The following PDZRN3 variants were observed in gnomAD, a reference collection of about 807,000 sequenced individuals.
PDZRN3 encodes the protein E3 ubiquitin-protein ligase PDZRN3.
PDZRN3 carries 38 observed loss-of-function variants against 85.7 expected under a neutral mutation model. That is an observed-to-expected ratio of 0.44 (90% confidence interval 0.34 to 0.58). The LOEUF (loss-of-function observed/expected upper bound fraction) is 0.58. Ranked by LOEUF, PDZRN3 falls within the 20% of genes least tolerant of loss-of-function variation. The probability of loss-of-function intolerance (pLI) is 0.01; values close to 1 mark genes in which losing one functional copy is unlikely to be tolerated. For missense variants in PDZRN3, 1,629 were observed against 1,506.4 expected (o/e 1.08, Z -1.35); for synonymous variants, 759 against 638.0 (o/e 1.19, Z -2.86).
Position 73,384,826 on chromosome 3 carries a change from A to T in PDZRN3, c.1740T>A (p.Asn580Lys). 1 of 1,614,066 alleles carries T rather than the reference A, an allele frequency of 6.2e-7. No individual in the cohort carries two copies. The highest frequency in any genetic ancestry group is 8.5e-7 in the Non-Finnish European group (1 of 1,180,014). ...TGTTCTCTTGCTCCGAGCTCTCGTC[A>T]TTACGGGTGCTCTCGTCGGTCCGCC... ...GVGRTDESTRNDESSEQENNG... is the reference protein window; with the variant it reads ...GVGRTDESTRKDESSEQENNG... Residue 580 changes from asparagine (N) to lysine (K), a missense_variant, in exon 10 of 10, where the codon AAT becomes AAA. Coordinates refer to ENST00000263666, the MANE Select transcript of PDZRN3 (RefSeq NM_015009.3).
At position 73,563,006 on chromosome 3, in the gene PDZRN3, TATATATA is replaced by T. The variant is rs1452271808; in HGVS notation, c.918+39341_918+39347del. 4.3e-3 allele frequency among the ~76,000 whole-genome samples: 174 copies of T among 40,398 alleles called. 4 individuals are homozygous for T. The highest frequency in any genetic ancestry group is 0.017 in the African/African-American group (158 of 9,396). The allele number at this position is 40,398 out of a possible 152,430, so 26.5% of individuals were successfully genotyped here. The stretch of plus-strand genomic sequence containing the variant: ...AATTATATATATATATATATATATA[TATATATA>T]TTTTTTTTTTTTTTTTTTTTTTTGA... On this transcript the variant is annotated intron_variant, in intron 3 of 9. Coordinates refer to ENST00000263666, the MANE Select transcript of PDZRN3 (RefSeq NM_015009.3).
At chr3:73,534,038 C>T (rs1388700945) in intron 3 of PDZRN3, among the ~76,000 whole-genome samples, 1 of 152,062 alleles carries the variant, frequency 6.6e-6, no homozygotes, top group African/African-American at 2.4e-5. Flanking sequence ...TATTTATTCC[C>T]CCATTAAAAT....
intron 3 of PDZRN3, chr3:73,569,033 T>C: frequency 2.2e-6 from 1 of 457,706 alleles, no homozygotes; most frequent in South Asian, 1.7e-5. Context: ...CATTTCTAGA[T>C]GAAAAAACTG....
At chr3:73,465,634 A>C (rs535469883) in intron 3 of PDZRN3, among the ~76,000 whole-genome samples, 38 of 152,366 alleles carry the variant, frequency 2.5e-4, no homozygotes, top group African/African-American at 8.7e-4. Context: ...ATTGTTGTAC[A>C]TTATTTGTGT....
intron 3 of PDZRN3, among the ~76,000 whole-genome samples, chr3:73,551,456 G>C (rs1037757508): frequency 1.2e-4 from 19 of 152,276 alleles, no homozygotes; most frequent in African/African-American, 4.1e-4. Flanking sequence ...GCTGAGGTGG[G>C]AGGATCGCTT....
chr3:73,505,662 T>A (rs1265975066), intron 3 of PDZRN3, among the ~76,000 whole-genome samples: 4 of 152,166 alleles, frequency 2.6e-5, no homozygotes, highest in Non-Finnish European at 5.9e-5. Context: ...GTAACTTGTT[T>A]ATTAAAGGTC....
intron 3 of PDZRN3, among the ~76,000 whole-genome samples, chr3:73,453,448 GA>G (rs1302967641): frequency 3.2e-5 from 4 of 126,504 alleles, no homozygotes; most frequent in Non-Finnish European, 6.9e-5. Flanking sequence ...AAAGAAAGAA[GA>G]AAGAATTCGC....
Position 73,624,112 on chromosome 3 carries a change from G to T in PDZRN3, c.714C>A (p.Pro238=). Residue 238 remains proline, a synonymous_variant, in exon 1 of 10, where the codon CCC becomes CCA. Coordinates refer to ENST00000263666, the MANE Select transcript of PDZRN3 (RefSeq NM_015009.3). The stretch of plus-strand genomic sequence containing the variant: ...GGCAGCAGGCGCCTACCTTGCCGCC[G>T]GGCGGCGCGGCCACGCAGCGGCTGA... ...DSLSRCVAAP[P]GGKGEETKSL... The T allele has an allele frequency of 6.8e-7, 1 of 1,461,136 alleles. No homozygotes were observed. Among genetic ancestry groups the T allele is most frequent in the South Asian group, 1.3e-5 (1 of 75,214 alleles). 90.5% of individuals were successfully genotyped at this position (1,461,136 alleles called of 1,614,324 possible). A position where few individuals can be genotyped will look rare whatever the true frequency, so the allele number is the denominator to read the frequency against.
At chr3:73,480,534 T>C (rs1175804914) in intron 3 of PDZRN3, among the ~76,000 whole-genome samples, 2 of 152,218 alleles carry the variant, frequency 1.3e-5, no homozygotes, top group Non-Finnish European at 2.9e-5. Flanking sequence ...TGTTCTTTCC[T>C]GGACATACTC....
At chr3:73,527,593 A>C (rs1704554027) in intron 3 of PDZRN3, among the ~76,000 whole-genome samples, 1 of 152,168 alleles carries the variant, frequency 6.6e-6, no homozygotes, top group African/African-American at 2.4e-5. Context: ...ACATGAAAAA[A>C]AAAATCATAC....
intron 3 of PDZRN3, among the ~76,000 whole-genome samples, chr3:73,423,738 C>G (rs2106782154): frequency 6.6e-6 from 1 of 152,170 alleles, no homozygotes; most frequent in East Asian, 1.9e-4. Context: ...TACAGCCAGC[C>G]CACTCCGTCT....
chr3:73,429,871 C>T (rs73096415), intron 3 of PDZRN3, among the ~76,000 whole-genome samples: 15,896 of 152,088 alleles, frequency 0.1, 1,116 homozygotes, highest in African/African-American at 0.2. Flanking sequence ...TGCACATCAC[C>T]CTTTCCAGGT....
chr3:73,417,371 G>A (rs929723872), intron 3 of PDZRN3, among the ~76,000 whole-genome samples: 1 of 152,202 alleles, frequency 6.6e-6, no homozygotes, highest in African/African-American at 2.4e-5. Context: ...CTTAGAGTGA[G>A]GAGCAGTGGT....
chr3:73,503,165 T>C (rs187287869), intron 3 of PDZRN3, among the ~76,000 whole-genome samples: 65 of 152,232 alleles, frequency 4.3e-4, no homozygotes, highest in African/African-American at 1.5e-3. Flanking sequence ...GGTAACCCAG[T>C]CCATTTAAAA....
At chr3:73,488,444 G>A (rs532945033) in intron 3 of PDZRN3, among the ~76,000 whole-genome samples, 20 of 152,272 alleles carry the variant, frequency 1.3e-4, no homozygotes, top group Non-Finnish European at 2.5e-4. Context: ...TCCTACCACA[G>A]GGTCTCTGCA....
intron 3 of PDZRN3, among the ~76,000 whole-genome samples, chr3:73,527,469 C>A (rs139038019): frequency 6.6e-6 from 1 of 152,010 alleles, no homozygotes; most frequent in Non-Finnish European, 1.5e-5. Flanking sequence ...TTAGGTTAGG[C>A]GATTCTTTCT....
rs564707238 is a variant in PDZRN3 at position 73,386,413 on chromosome 3, C to CCT, written c.1519-630_1519-629dup. On this transcript the variant is annotated intron_variant, in intron 8 of 9. Transcript: ENST00000263666. ...GGTTTCACCATGTTGGCCAGGCTGG[C>CCT]CTCATCCTGACCTCAAGTGAACCTC... is the stretch of plus-strand genomic sequence containing the variant. Among the ~76,000 whole-genome samples the CCT allele has an allele frequency of 8.1e-4, 123 of 151,836 alleles. 1 individual carries two copies. In the South Asian group the frequency reaches 0.013, roughly 16 times the overall value.
At chr3:73,560,133 C>T (rs977489862) in intron 3 of PDZRN3, among the ~76,000 whole-genome samples, 3 of 152,182 alleles carry the variant, frequency 2.0e-5, no homozygotes, top group Non-Finnish European at 1.5e-5. Context: ...GACTTTAATC[C>T]AATAAGGCTT....
chr3:73,575,200 A>G (rs1291015969), intron 3 of PDZRN3, among the ~76,000 whole-genome samples: 1 of 152,194 alleles, frequency 6.6e-6, no homozygotes, highest in East Asian at 1.9e-4. Context: ...TTACACAGGT[A>G]CTTCTTGAGA....
Sources: allele counts gnomAD v4.1 joint callset (sites outside exome capture counted in the v4.1 genomes callset), GRCh38; gene constraint gnomAD v4.1.1; transcripts MANE v1.5; gene names NCBI Gene and HGNC (gene_info 2026-07-23, HGNC 2026-07-21).